IRGM: variants seen among roughly 807,000 people sequenced by gnomAD.
IRGM encodes immunity related GTPase M, also known as immunity-related GTPase family M protein.
For missense variants in IRGM, 288 were observed against 219.9 expected, an observed-to-expected ratio of 1.31 and a Z score of -1.96; for synonymous variants, 98 against 80.6, an observed-to-expected ratio of 1.22 and a Z score of -1.16.
chr5:150,890,858 A>G (rs7714584), intron 3 of IRGM, among the ~76,000 whole-genome samples: 31,771 of 151,920 alleles, frequency 0.21, 5,365 homozygotes, highest in African/African-American at 0.45. Flanking sequence ...TTTTAAATTT[A>G]TTGCTCTGTC....
intron 3 of IRGM, among the ~76,000 whole-genome samples, chr5:150,880,691 A>T (rs753920809): frequency 1.1e-4 from 16 of 152,210 alleles, no homozygotes; most frequent in Non-Finnish European, 2.1e-4. Context: ...ATCACTCAAC[A>T]TGTTAAATAA....
chr5:150,877,910 C>T (rs1171022640), intron 1 of IRGM: 2 of 435,088 alleles, frequency 4.6e-6, no homozygotes, highest in Non-Finnish European at 9.1e-6. Context: ...ATTTCATTTG[C>T]TTATACTTTT....
downstream of IRGM, among the ~76,000 whole-genome samples, chr5:150,850,045 G>A (rs1190084574): frequency 6.6e-6 from 1 of 152,162 alleles, no homozygotes; most frequent in Non-Finnish European, 1.5e-5. Flanking sequence ...TGCCTGTATA[G>A]ATGGTAAAAG....
chr5:150,896,825 T>C (rs775031369), intron 3 of IRGM: 13 of 1,613,656 alleles, frequency 8.1e-6, no homozygotes, highest in South Asian at 2.2e-5. Context: ...CTTGATTCTC[T>C]AGAAATCTCT....
intron 3 of IRGM, chr5:150,894,822 A>T (rs1018286542): frequency 6.6e-6 from 1 of 152,302 alleles, no homozygotes; most frequent in Non-Finnish European, 1.5e-5. Flanking sequence ...TGGGAAGAGT[A>T]AAAGGGAGAC....
At chr5:150,858,903 T>C (rs1485277740) in intron 1 of IRGM, among the ~76,000 whole-genome samples, 3 of 152,208 alleles carry the variant, frequency 2.0e-5, no homozygotes, top group Non-Finnish European at 2.9e-5. Flanking sequence ...CTTTTCCTAA[T>C]TGGATACCCT....
chr5:150,853,292 A>C (rs1281082927), downstream of IRGM, among the ~76,000 whole-genome samples: 1 of 152,180 alleles, frequency 6.6e-6, no homozygotes, highest in Non-Finnish European at 1.5e-5. Context: ...TGGGAAAGAC[A>C]CTGCATAATT....
At chr5:150,889,668 TA>T (rs909824020) in intron 3 of IRGM, among the ~76,000 whole-genome samples, 7 of 152,024 alleles carry the variant, frequency 4.6e-5, no homozygotes, top group Non-Finnish European at 1.0e-4. Flanking sequence ...TTCTTTATTT[TA>T]AAAAAACACT....
At chr5:150,896,895 ACTC>A (rs747183833) in intron 3 of IRGM, 2 of 1,613,434 alleles carry the variant, frequency 1.2e-6, no homozygotes, top group South Asian at 2.2e-5. Context: ...ATCCCTTGTG[ACTC>A]CTTTCAGTAT....
downstream of IRGM, among the ~76,000 whole-genome samples, chr5:150,850,587 G>A (rs1438785475): frequency 6.6e-6 from 1 of 152,028 alleles, no homozygotes; most frequent in African/African-American, 2.4e-5. Context: ...TTGAGACAGG[G>A]TCTTGCTATC....
At chr5:150,874,013 T>G (rs113469656) in intron 1 of IRGM, among the ~76,000 whole-genome samples, 4,845 of 152,280 alleles carry the variant, frequency 0.032, 247 homozygotes, top group African/African-American at 0.11. Flanking sequence ...AACCAAGTGG[T>G]GACTCTGATT....
chr5:150,852,545 T>G (rs1753991496), downstream of IRGM, among the ~76,000 whole-genome samples: 1 of 152,094 alleles, frequency 6.6e-6, no homozygotes, highest in South Asian at 2.1e-4. Flanking sequence ...TTCATGAAAT[T>G]AGGAAATTGT....
At chr5:150,875,534 G>A (rs1754351232) in intron 1 of IRGM, among the ~76,000 whole-genome samples, 1 of 152,326 alleles carries the variant, frequency 6.6e-6, no homozygotes, top group East Asian at 1.9e-4. Context: ...CCATGTGATT[G>A]TTCACCAACG....
At chr5:150,891,712 A>G (rs1239950507) in intron 3 of IRGM, among the ~76,000 whole-genome samples, 2 of 152,084 alleles carry the variant, frequency 1.3e-5, no homozygotes, top group Non-Finnish European at 2.9e-5. Context: ...TTCCAATGAC[A>G]GGCACTGATT....
At chr5:150,849,978 C>G (rs1753950713), downstream of IRGM, among the ~76,000 whole-genome samples, 1 of 151,964 alleles carries the variant, frequency 6.6e-6, no homozygotes, top group Non-Finnish European at 1.5e-5. Flanking sequence ...CCCTCAAGTC[C>G]CAAGTCAAAT....
chr5:150,860,848 G>C (rs893708527), intron 1 of IRGM, among the ~76,000 whole-genome samples: 1 of 152,190 alleles, frequency 6.6e-6, no homozygotes, highest in African/African-American at 2.4e-5. Flanking sequence ...CTCCCTCTCT[G>C]TATCTCCTGT....
intron 1 of IRGM, among the ~76,000 whole-genome samples, chr5:150,862,690 T>C (rs1202485890): frequency 6.6e-6 from 1 of 152,224 alleles, no homozygotes; most frequent in East Asian, 1.9e-4. Context: ...AAATTAAGTC[T>C]ATTGACTGTC....
chr5:150,847,028 TAAG>T lies in IRGM; in HGVS notation c.-607_-605del, dbSNP rs1753874551. ...GAGCCAGGTTTGGCGAATGCAATGA[TAAG>T]CAATTGTCTAATCACTGCCTTGAAA... is the stretch of plus-strand genomic sequence containing the variant. On this transcript the variant is annotated 5_prime_UTR_variant, in exon 1 of 2. Coordinates refer to ENST00000522154, the MANE Select transcript of IRGM (RefSeq NM_001145805.2). The T allele has an allele frequency of 1.3e-5, 2 of 152,380 alleles. No homozygotes were observed. The highest frequency in any genetic ancestry group is 2.9e-5 in the Non-Finnish European group (2 of 68,064). The allele number at this position is 152,380 out of a possible 1,614,324, so 9.4% of individuals were successfully genotyped here. A position where few individuals can be genotyped will look rare whatever the true frequency, so the allele number is the denominator to read the frequency against.
At chr5:150,849,940 G>A (rs1753950197), downstream of IRGM, among the ~76,000 whole-genome samples, 1 of 151,994 alleles carries the variant, frequency 6.6e-6, no homozygotes, top group Non-Finnish European at 1.5e-5. Context: ...GCTAGATAAG[G>A]ATACAGAAAC....
Sources: gnomAD v4.1 joint callset for allele counts (sites outside exome capture counted in the v4.1 genomes callset) on GRCh38, gnomAD v4.1.1 for gene constraint, MANE v1.5 for transcripts, NCBI Gene and HGNC (gene_info 2026-07-23, HGNC 2026-07-21) for gene names.